Variants in TRPM1 observed in about 807,000 individuals in gnomAD.
The protein encoded by TRPM1 is transient receptor potential cation channel subfamily M member 1, also known as TRPM1-203 APA Isoform, Intron 10.
A neutral mutation model predicts 149.4 loss-of-function variants in TRPM1; 113 were observed. The ratio of observed to expected loss-of-function variants is 0.76; its 90% CI spans 0.65 to 0.88. TRPM1 has a LOEUF of 0.88. TRPM1 is among the 40% of genes least tolerant of loss of function. TRPM1 has a pLI of 0.00. For synonymous variants in TRPM1, 741 were observed against 759.5 expected (o/e 0.98, Z 0.40); for missense variants, 1,976 against 2,038.7 (o/e 0.97, Z 0.59).
intron 1 of TRPM1, among the ~76,000 whole-genome samples, chr15:31,089,951 C>T (rs1008340248): frequency 1.3e-5 from 2 of 152,062 alleles, no homozygotes; most frequent in East Asian, 1.9e-4. Flanking sequence ...GAAGTGACTA[C>T]GGTGTGTGTG....
At position 31,002,869 on chromosome 15, in the gene TRPM1, T is replaced by A; in HGVS notation, c.3831A>T (p.Ala1277=). 4 of 1,614,182 alleles carry A rather than the reference T, an allele frequency of 2.5e-6. No homozygotes were observed. Among genetic ancestry groups the A allele is most frequent in the Non-Finnish European group, 3.4e-6 (4 of 1,180,012 alleles). Residue 1277 remains alanine (A), a synonymous_variant, in exon 28 of 28, where the codon GCA becomes GCT. Coordinates refer to ENST00000256552, the MANE Select transcript of TRPM1 (RefSeq NM_001252024.2). ...ARSRASSECE[A]TYLLRQSSIN... Reference sequence around the variant, plus strand: ...TGCTGCTTTGCCGGAGAAGATACGTTGCCTCACATTCAGAAGAAGCCCGGG... The same window carrying A: ...TGCTGCTTTGCCGGAGAAGATACGTAGCCTCACATTCAGAAGAAGCCCGGG...
Position 31,002,584 on chromosome 15 carries a change from T to G in TRPM1, c.4116A>C (p.Glu1372Asp). 6.2e-7 allele frequency: 1 copy of G among 1,614,222 alleles called. No individual in the cohort carries two copies. The highest frequency in any genetic ancestry group is 8.5e-7 in the Non-Finnish European group (1 of 1,180,040). ...HLAVDDLKNA[E>D]ESKLGPDIGI... is the part of the protein sequence containing the mutation. The stretch of plus-strand genomic sequence containing the variant: ...CAATATCTGGACCTAATTTTGACTC[T>G]TCAGCGTTCTTTAAGTCATCTACTG... Residue 1372 changes from glutamate to aspartate, a missense_variant, in exon 28 of 28, where the codon GAA becomes GAC. Glu to Asp is a conservative substitution (Grantham distance 45). Around this residue, in one of 3 missense-constraint regions of TRPM1, gnomAD observed 572 missense variants for 578.9 expected, o/e 0.99. Coordinates refer to ENST00000256552, the MANE Select transcript of TRPM1 (RefSeq NM_001252024.2).
intron 11 of TRPM1, 141 bp downstream of exon 11, chr15:31,060,403 A>C: frequency 2.7e-6 from 2 of 746,010 alleles, no homozygotes; most frequent in South Asian, 3.0e-5. Context: ...GACATCTTCT[A>C]ATGAGCCTAA....
intron 1 of TRPM1, among the ~76,000 whole-genome samples, chr15:31,120,919 A>G (rs1246656589): frequency 6.6e-6 from 1 of 152,170 alleles, no homozygotes; most frequent in African/African-American, 2.4e-5. Context: ...GTAGTATTGA[A>G]TGTATGTATT....
intron 1 of TRPM1, among the ~76,000 whole-genome samples, chr15:31,156,731 C>T (rs542906921): frequency 8.5e-5 from 13 of 152,284 alleles, no homozygotes; most frequent in Admixed American, 3.9e-4. Context: ...CGCATGTTCT[C>T]GGGACCTCTT....
intron 1 of TRPM1, among the ~76,000 whole-genome samples, chr15:31,119,770 C>T (rs140602047): frequency 1.4e-4 from 21 of 152,240 alleles, no homozygotes; most frequent in African/African-American, 5.1e-4. Context: ...ACTTGCACTA[C>T]TCATGAAGTG....
Position 31,040,472 on chromosome 15 carries a change from G to T in TRPM1, c.2088-126C>A. The T allele has an allele frequency of 1.2e-6, 1 of 803,662 alleles. No individual in the cohort carries two copies. Among genetic ancestry groups the T allele is most frequent in the East Asian group, 2.6e-5 (1 of 37,860 alleles). 49.8% of individuals were successfully genotyped at this position (803,662 alleles called of 1,614,324 possible). Reference sequence around the variant, plus strand: ...TATCCTTCACTGGAGGGGCTCTGAGGTTCTCTGCAAGCAAGAAGCTCCAGG... The same window carrying T: ...TATCCTTCACTGGAGGGGCTCTGAGTTTCTCTGCAAGCAAGAAGCTCCAGG... On this transcript the variant is annotated intron_variant, in intron 17 of 27. Coordinates refer to ENST00000256552, the MANE Select transcript of TRPM1 (RefSeq NM_001252024.2). This position sits in a 1 kb window ranked among gnomAD's most constrained non-coding sequence, Gnocchi z 4.2.
At chr15:31,112,591 A>C (rs1036096308) in intron 1 of TRPM1, among the ~76,000 whole-genome samples, 1 of 152,080 alleles carries the variant, frequency 6.6e-6, no homozygotes, top group Non-Finnish European at 1.5e-5. Flanking sequence ...GGGCCAATTA[A>C]ACTTTTTTTT....
chr15:31,132,877 A>G (rs1168786766), intron 1 of TRPM1, among the ~76,000 whole-genome samples: 3 of 152,216 alleles, frequency 2.0e-5, no homozygotes, highest in Non-Finnish European at 4.4e-5. Flanking sequence ...GCCTGCTGCT[A>G]TGTAAGACAG....
upstream of TRPM1, among the ~76,000 whole-genome samples, chr15:31,103,833 GAAAGAAAGAA>G (rs1307995602): frequency 6.8e-6 from 1 of 147,640 alleles, no homozygotes; most frequent in African/African-American, 2.5e-5. Context: ...AAAAAAGAGA[GAAAGAAAGAA>G]AAAGAAAAAA....
At chr15:31,100,444 C>T (rs1403042977) in intron 1 of TRPM1, among the ~76,000 whole-genome samples, 1 of 151,988 alleles carries the variant, frequency 6.6e-6, no homozygotes, top group South Asian at 2.1e-4. Flanking sequence ...TTTAAAAAAA[C>T]ATACACATTG....
chr15:31,032,007 T>G (rs910508509), intron 22 of TRPM1, among the ~76,000 whole-genome samples: 56 of 51,390 alleles, frequency 1.1e-3, no homozygotes, highest in South Asian at 2.5e-3. Flanking sequence ...TCAGGCGGGG[T>G]TTTTTTTTTT....
chr15:31,125,854 G>C lies in TRPM1; in HGVS notation c.54+35052C>G, dbSNP rs2035944598. 2.0e-5 allele frequency among the ~76,000 whole-genome samples: 3 copies of C among 151,878 alleles called. No homozygotes were observed. In the South Asian group the frequency reaches 6.2e-4, roughly 32 times the overall value. On this transcript the variant is annotated intron_variant, in intron 1 of 26. Coordinates refer to the TRPM1 transcript ENST00000542188. ...ATTAAAATCACACAGAGTATGGCTG[G>C]GTGCAGTGGCTGACGCTTGTAATCC...
Position 31,032,915 on chromosome 15 carries a change from A to G in TRPM1, c.2726T>C (p.Leu909Pro). The G allele has an allele frequency of 6.2e-7, 1 of 1,614,248 alleles. No homozygotes were observed. Among genetic ancestry groups the G allele is most frequent in the Non-Finnish European group, 8.5e-7 (1 of 1,180,038 alleles). The stretch of plus-strand genomic sequence containing the variant: ...AAGCCAAACTTTGATTTTCTGGCTG[A>G]GTTTGCCTGGTTCTGACATGAGGAT... Reference protein sequence around the residue: ...REILMSEPGKLSQKIKVWLQE... With the variant: ...REILMSEPGKPSQKIKVWLQE... Residue 909 changes from leucine (L) to proline (P), a missense_variant, in exon 22 of 28, where the codon CTC becomes CCC. Leu to Pro is a moderately conservative substitution (Grantham distance 98). Around this residue, in one of 3 missense-constraint regions of TRPM1, gnomAD observed 1,332 missense variants for 1,347.1 expected, o/e 0.99. Transcript: ENST00000256552.
In TRPM1 at chr15:31,050,585, G is replaced by A; in HGVS notation, c.1264-3C>T. The A allele has an allele frequency of 1.2e-6, 2 of 1,614,006 alleles. No individual in the cohort carries two copies. The highest frequency in any genetic ancestry group is 1.3e-5 in the African/African-American group (1 of 75,006). On this transcript the variant is annotated splice_polypyrimidine_tract_variant and splice_region_variant and intron_variant, in intron 11 of 27. Coordinates refer to ENST00000256552, the MANE Select transcript of TRPM1 (RefSeq NM_001252024.2). ...GGGGGTGCCAGGCTTCCCAGGGGCT[G>A]CAGTCCACAGCAATCAGAGTTGGGA...
chr15:31,088,099 G>C (rs1334255029), intron 1 of TRPM1, among the ~76,000 whole-genome samples: 1 of 152,176 alleles, frequency 6.6e-6, no homozygotes, highest in Non-Finnish European at 1.5e-5. Context: ...TGGGGACTTG[G>C]GGAACTTTTC....
intron 1 of TRPM1, among the ~76,000 whole-genome samples, chr15:31,098,702 T>A (rs2035447311): frequency 1.3e-5 from 2 of 152,180 alleles, no homozygotes; most frequent in African/African-American, 4.8e-5. Context: ...CAGGGCCACC[T>A]GCCATGAGCG....
chr15:31,035,543 C>T lies in TRPM1; in HGVS notation c.2700+3G>A. ...GGCTGGGGGAGGCCTTTGGAGTAGC[C>T]ACCTCTCGTATCTTCTCTAACGCCA... On this transcript the variant is annotated splice_donor_region_variant and intron_variant, in intron 21 of 27. Transcript: ENST00000256552. 6.2e-7 allele frequency: 1 copy of T among 1,614,092 alleles called. No homozygotes were observed. The highest frequency in any genetic ancestry group is 8.5e-7 in the Non-Finnish European group (1 of 1,179,992).
chr15:31,103,035 G>A (rs1042548623), upstream of TRPM1, among the ~76,000 whole-genome samples: 3 of 152,344 alleles, frequency 2.0e-5, no homozygotes, highest in Admixed American at 2.0e-4. Context: ...TCTGAAATCA[G>A]TCTGGGAGCA....
Sources: allele counts gnomAD v4.1 joint callset (sites outside exome capture counted in the v4.1 genomes callset), GRCh38; gene constraint gnomAD v4.1.1; regional missense constraint gnomAD v4.1.1; non-coding constraint Gnocchi (gnomAD v3.1); transcripts MANE v1.5; gene names NCBI Gene and HGNC (gene_info 2026-07-23, HGNC 2026-07-21).